Variants in BMERB1 observed in about 807,000 individuals in gnomAD.
The protein encoded by BMERB1 is bMERB domain containing 1, also known as bMERB domain-containing protein 1.
A neutral mutation model predicts 23.6 loss-of-function variants in BMERB1; 12 were observed. That is an observed-to-expected ratio of 0.51 (90% CI 0.33 to 0.82). The LOEUF is 0.82. Among genes scored for constraint, BMERB1 ranks in the 40% least tolerant of loss-of-function variants. BMERB1 has a pLI of 0.03. For missense variants in BMERB1, 247 were observed against 255.4 expected, an observed-to-expected ratio of 0.97 and a Z score of 0.22; for synonymous variants, 122 against 96.6, an observed-to-expected ratio of 1.26 and a Z score of -1.54.
chr16:15,558,752 G>C (rs2030339214), intron 2 of BMERB1, among the ~76,000 whole-genome samples: 1 of 151,536 alleles, frequency 6.6e-6, no homozygotes, highest in South Asian at 2.1e-4. Flanking sequence ...TTGACTTTTA[G>C]CTATATAAGT....
chr16:15,510,420 G>A (rs760962201), intron 1 of BMERB1, among the ~76,000 whole-genome samples: 8 of 152,148 alleles, frequency 5.3e-5, no homozygotes, highest in East Asian at 3.9e-4. Context: ...GGCTTATGGC[G>A]AGGATTAAAA....
intron 1 of BMERB1, among the ~76,000 whole-genome samples, chr16:15,437,310 G>A (rs2050896594): frequency 6.6e-6 from 1 of 152,142 alleles, no homozygotes; most frequent in South Asian, 2.1e-4. Flanking sequence ...TGTGACTTTA[G>A]GAGTATTGCT....
intron 2 of BMERB1, among the ~76,000 whole-genome samples, chr16:15,522,867 T>A (rs1042763640): frequency 1.2e-4 from 19 of 152,172 alleles, no homozygotes; most frequent in Non-Finnish European, 2.8e-4. Context: ...GTGTGTTACA[T>A]GGTGCTCTTT....
chr16:15,586,743 C>T lies in BMERB1; in HGVS notation c.529C>T (p.Pro177Ser), dbSNP rs1329891257. ...CTCCCGGGCAGAGAAGAAAGCAGAG[C>T]CCCCACCTAGCAAGCCCACGGTGGC... Reference protein sequence around the residue: ...ASSRAEKKAEPPPSKPTVAKT... With the variant: ...ASSRAEKKAESPPSKPTVAKT... The change falls in exon 6 of 6, where the codon CCC becomes TCC. Residue 177 changes from proline (P) to serine (S), a missense_variant. Pro to Ser is a moderately conservative substitution (Grantham distance 74, BLOSUM62 -1). Transcript: ENST00000300006. The T allele has an allele frequency of 6.2e-7, 1 of 1,611,734 alleles. No homozygotes were observed. Among genetic ancestry groups the T allele is most frequent in the Non-Finnish European group, 8.5e-7 (1 of 1,179,268 alleles).
At chr16:15,538,032 T>G (rs2052041766) in intron 2 of BMERB1, among the ~76,000 whole-genome samples, 1 of 152,196 alleles carries the variant, frequency 6.6e-6, no homozygotes, top group Admixed American at 6.5e-5. Flanking sequence ...AAACTGCTCA[T>G]TTAGATAATG....
chr16:15,460,106 G>A (rs2051122129), intron 1 of BMERB1, among the ~76,000 whole-genome samples: 1 of 152,104 alleles, frequency 6.6e-6, no homozygotes, highest in Admixed American at 6.6e-5. Context: ...GTGACAGGAA[G>A]CCTTAATTAT....
At chr16:15,566,334 CATG>C (rs1440984646) in intron 2 of BMERB1, among the ~76,000 whole-genome samples, 1 of 152,230 alleles carries the variant, frequency 6.6e-6, no homozygotes, top group Non-Finnish European at 1.5e-5. Context: ...TAATGTCACA[CATG>C]ATCTCTCCGG....
chr16:15,456,547 A>C (rs920623490), intron 1 of BMERB1, among the ~76,000 whole-genome samples: 2 of 152,090 alleles, frequency 1.3e-5, no homozygotes, highest in Non-Finnish European at 2.9e-5. Flanking sequence ...CATGTTATCC[A>C]GGCTGGTTTC....
chr16:15,519,508 G>A (rs754561166), intron 2 of BMERB1, among the ~76,000 whole-genome samples: 13 of 152,090 alleles, frequency 8.5e-5, no homozygotes, highest in East Asian at 3.9e-4. Flanking sequence ...CTTGTGCCTC[G>A]GCCTTCCAAG....
chr16:15,517,338 G>A (rs918480938), intron 2 of BMERB1, among the ~76,000 whole-genome samples: 28 of 152,076 alleles, frequency 1.8e-4, no homozygotes, highest in Middle Eastern at 3.2e-3. Context: ...GCAAAAACCC[G>A]TCTCTAGTAA....
Position 15,586,938 on chromosome 16 carries a change from G to A in BMERB1, c.*109G>A, listed in dbSNP as rs9923806. The stretch of plus-strand genomic sequence containing the variant: ...CTCTCCAAGGCAGAAGGGGTTGAAG[G>A]CAAGCCCGTGACTGTCACCAGAGGC... On this transcript the variant is annotated 3_prime_UTR_variant, in exon 6 of 6. Coordinates refer to ENST00000300006, the MANE Select transcript of BMERB1 (RefSeq NM_033201.3). 0.017 allele frequency: 13,073 copies of A among 748,388 alleles called. 1,150 individuals are homozygous for A. The African/African-American group carries it at 0.2, about 11-fold the overall frequency. 46.4% of individuals were successfully genotyped at this position (748,388 alleles called of 1,614,324 possible). A position where few individuals can be genotyped will look rare whatever the true frequency, so the allele number is the denominator to read the frequency against.
In BMERB1 at chr16:15,571,139, C is replaced by T. The variant is rs1292020055; in HGVS notation, c.304+3083C>T. Among the ~76,000 whole-genome samples, 3 of 151,212 alleles carry T rather than the reference C, an allele frequency of 2.0e-5. No individual in the cohort carries two copies. The East Asian group carries it at 5.8e-4, about 29-fold the overall frequency. ...CCCAGTAGGTCTCAGCCTTATTTTA[C>T]CCAGCCCCTATTCAAGATGGAGTCA... is the stretch of plus-strand genomic sequence containing the variant. On this transcript the variant is annotated intron_variant, in intron 3 of 5. Transcript: ENST00000300006.
At chr16:15,586,246 C>A (rs1347562238) in intron 5 of BMERB1, among the ~76,000 whole-genome samples, 1 of 151,906 alleles carries the variant, frequency 6.6e-6, no homozygotes, top group Admixed American at 6.6e-5. Context: ...TGAGAAGGTC[C>A]AACTTACATG....
chr16:15,461,000 C>T lies in BMERB1; in HGVS notation c.106+26241C>T, dbSNP rs142867792. On this transcript the variant is annotated intron_variant, in intron 1 of 5. Coordinates refer to ENST00000300006, the MANE Select transcript of BMERB1 (RefSeq NM_033201.3). ...ATTAACCAGGAGTGGTGGCACATGC[C>T]GGTAGTCCCAGCTACTCGGGAGGCT... Among the ~76,000 whole-genome samples, 317 of 151,950 alleles carry T rather than the reference C, an allele frequency of 2.1e-3. 4 individuals are homozygous for T. The highest frequency in any genetic ancestry group is 2.5e-3 in the South Asian group (12 of 4,802).
chr16:15,468,162 T>TTTTCC (rs57267276), intron 1 of BMERB1, among the ~76,000 whole-genome samples: 1 of 64,532 alleles, frequency 1.5e-5, no homozygotes, highest in Non-Finnish European at 3.1e-5. Context: ...TTTTTTTTTT[T>TTTTCC]TGAGGCAGGG....
chr16:15,522,634 C>A (rs868126519), intron 2 of BMERB1, among the ~76,000 whole-genome samples: 1 of 152,162 alleles, frequency 6.6e-6, no homozygotes, highest in Non-Finnish European at 1.5e-5. Context: ...AAGTCTCTTG[C>A]CCATGGTTGT....
intron 1 of BMERB1, among the ~76,000 whole-genome samples, chr16:15,493,862 A>T (rs1347046508): frequency 1.3e-5 from 2 of 152,222 alleles, no homozygotes; most frequent in South Asian, 4.1e-4. Flanking sequence ...AGCAGTTTTT[A>T]AAAACTGAAA....
chr16:15,553,070 C>T (rs370918164), intron 2 of BMERB1, among the ~76,000 whole-genome samples: 6 of 152,106 alleles, frequency 3.9e-5, no homozygotes, highest in Admixed American at 1.3e-4. Flanking sequence ...TTCAGTGGTA[C>T]GATCTCAGCT....
chr16:15,546,028 T>C (rs1452646808), intron 2 of BMERB1, among the ~76,000 whole-genome samples: 1 of 152,136 alleles, frequency 6.6e-6, no homozygotes, highest in Non-Finnish European at 1.5e-5. Flanking sequence ...GGCTCACGCC[T>C]GTAATCCCAA....
Sources: gnomAD v4.1 joint callset for allele counts (sites outside exome capture counted in the v4.1 genomes callset) on GRCh38, gnomAD v4.1.1 for gene constraint, MANE v1.5 for transcripts, NCBI Gene and HGNC (gene_info 2026-07-23, HGNC 2026-07-21) for gene names.